Variants in DIS3L2 observed in about 807,000 individuals in gnomAD.
DIS3L2 encodes the protein DIS3-like exonuclease 2.
In DIS3L2, 34 loss-of-function variants were observed where a neutral mutation model predicts 97.5. The observed-to-expected ratio is 0.35, with a 90% CI of 0.27 to 0.46. The LOEUF is 0.46. Among genes scored for constraint, DIS3L2 ranks in the 20% least tolerant of loss-of-function variants. The pLI is 1.00. For missense variants in DIS3L2, 1,038 were observed against 1,146.0 expected (o/e 0.91, Z 1.36); for synonymous variants, 435 against 445.2 (o/e 0.98, Z 0.29).
intron 10 of DIS3L2, among the ~76,000 whole-genome samples, chr2:232,218,459 G>A (rs1559160156): frequency 6.6e-6 from 1 of 152,148 alleles, no homozygotes; most frequent in African/African-American, 2.4e-5. Context: ...CATTCTTGGA[G>A]GTTTCAGGCC....
intron 9 of DIS3L2, among the ~76,000 whole-genome samples, chr2:232,171,452 A>G (rs2106172488): frequency 6.6e-6 from 1 of 152,256 alleles, no homozygotes; most frequent in African/African-American, 2.4e-5. Flanking sequence ...TTGGATTTGA[A>G]AGAAAATGGT....
chr2:232,288,875 G>A (rs1694521587), intron 13 of DIS3L2, among the ~76,000 whole-genome samples: 1 of 152,184 alleles, frequency 6.6e-6, no homozygotes, highest in Non-Finnish European at 1.5e-5. Flanking sequence ...TTTCCAAAAA[G>A]ATTTTGAGAG....
intron 6 of DIS3L2, among the ~76,000 whole-genome samples, chr2:232,125,888 G>T (rs1331429724): frequency 6.6e-6 from 1 of 152,116 alleles, no homozygotes; most frequent in East Asian, 1.9e-4. Context: ...AAGAGAGGGG[G>T]GCCCATAAGA....
intron 10 of DIS3L2, among the ~76,000 whole-genome samples, chr2:232,235,152 G>A (rs762154024): frequency 6.6e-6 from 1 of 152,244 alleles, no homozygotes; most frequent in Non-Finnish European, 1.5e-5. Flanking sequence ...CTGCCCGGGG[G>A]ATCCTTCCTC....
At chr2:232,306,540 A>T (rs1374578958) in intron 14 of DIS3L2, among the ~76,000 whole-genome samples, 1 of 152,174 alleles carries the variant, frequency 6.6e-6, no homozygotes, top group Non-Finnish European at 1.5e-5. Context: ...TTATTTTGGT[A>T]TATTTTATCT....
Position 232,102,841 on chromosome 2 carries a change from C to T in DIS3L2, c.601+15120C>T, listed in dbSNP as rs1167061363. ...AAGCATAAAATAATAATTGCTTATT[C>T]AATACAAATATAGTCAGGACTGCTG... On this transcript the variant is annotated intron_variant, in intron 6 of 20. Transcript: ENST00000325385. 7.2e-5 allele frequency among the ~76,000 whole-genome samples: 11 copies of T among 152,248 alleles called. No homozygotes were observed. In the East Asian group the frequency reaches 2.1e-3, roughly 29 times the overall value.
intron 5 of DIS3L2, among the ~76,000 whole-genome samples, chr2:232,031,167 C>T (rs931525533): frequency 6.6e-6 from 1 of 152,146 alleles, no homozygotes; most frequent in Non-Finnish European, 1.5e-5. Context: ...TTTTAGAATA[C>T]TGCCTAAAAA....
intron 9 of DIS3L2, among the ~76,000 whole-genome samples, chr2:232,192,328 G>A (rs1691637197): frequency 6.6e-6 from 1 of 152,112 alleles, no homozygotes; most frequent in Admixed American, 6.5e-5. Context: ...ACATGACTGA[G>A]GGGGAAGAAC....
At chr2:232,166,103 T>TAAATAAATAAAC (rs1216955455) in intron 9 of DIS3L2, among the ~76,000 whole-genome samples, 24 of 146,370 alleles carry the variant, frequency 1.6e-4, no homozygotes, top group African/African-American at 6.3e-4. Context: ...AATAAATAAA[T>TAAATAAATAAAC]AAATAAATAA....
intron 13 of DIS3L2, chr2:232,343,147 CTCA>C: frequency 3.3e-6 from 2 of 601,868 alleles, no homozygotes; most frequent in South Asian, 2.1e-5. Flanking sequence ...CTCAACCTGG[CTCA>C]TCATCAAAGC....
intron 1 of DIS3L2, among the ~76,000 whole-genome samples, chr2:231,989,157 T>C (rs536367739): frequency 3.9e-5 from 6 of 152,340 alleles, no homozygotes; most frequent in South Asian, 2.1e-4. Flanking sequence ...TTTAAATAAC[T>C]GCTTCTGTAT....
rs777447491 is a variant in DIS3L2 at position 232,015,657 on chromosome 2, G to A, written c.196G>A (p.Gly66Arg). 1 of 1,613,666 alleles carries A rather than the reference G, an allele frequency of 6.2e-7. No homozygotes were observed. The highest frequency in any genetic ancestry group is 1.1e-5 in the South Asian group (1 of 91,038). Residue 66 changes from glycine to arginine, a missense_variant, in exon 3 of 21, where the codon GGA becomes AGA. Transcript: ENST00000325385. Reference sequence around the variant, plus strand: ...GGATGTTTCAGAAGGCTTGAAGAGAGGAACACTCATCCAGGTGCTTAAAAT... The same window carrying A: ...GGATGTTTCAGAAGGCTTGAAGAGAAGAACACTCATCCAGGTGCTTAAAAT... ...KEDVSEGLKRGTLIQGVLRIN... is the reference protein window; with the variant it reads ...KEDVSEGLKRRTLIQGVLRIN...
At chr2:232,329,654 G>T (rs1462602412) in intron 14 of DIS3L2, 159 bp from the exon 15 acceptor site, 13 of 712,262 alleles carry the variant, frequency 1.8e-5, no homozygotes, top group Admixed American at 3.5e-5. Flanking sequence ...GCAAGACAGG[G>T]ACTTGGCGGA....
chr2:232,132,384 C>CAA lies in DIS3L2; in HGVS notation c.702+1666_702+1667dup, dbSNP rs1221961894. Among the ~76,000 whole-genome samples, 5 of 152,178 alleles carry CAA rather than the reference C, an allele frequency of 3.3e-5. No homozygotes were observed. The East Asian group carries it at 9.6e-4, about 29-fold the overall frequency. ...AAGAAACAGGAATTTCCAGTTCAGA[C>CAA]AAGATGGCATAGACCTATTTTTTCT... On this transcript the variant is annotated intron_variant, in intron 7 of 20. Coordinates refer to ENST00000325385, the MANE Select transcript of DIS3L2 (RefSeq NM_152383.5).
rs761961885 is a variant in DIS3L2, at chr2:232,029,732, G to A, written c.265-247G>A. Among the ~76,000 whole-genome samples the A allele has an allele frequency of 8.1e-4, 123 of 151,804 alleles. 1 individual carries two copies. Among genetic ancestry groups the A allele is most frequent in the Non-Finnish European group, 6.6e-4 (45 of 67,934 alleles). On this transcript the variant is annotated intron_variant, in intron 4 of 20. Transcript: ENST00000325385. ...CCATTGCTACTCCTGCCCTCAGTTT[G>A]TTTTCTTGGGGGAGATTATATGTTG...
chr2:231,961,959 A>G (rs1360473020), intron 1 of DIS3L2, among the ~76,000 whole-genome samples, 194 bp downstream of exon 1: 1 of 151,852 alleles, frequency 6.6e-6, no homozygotes, highest in South Asian at 2.1e-4. Flanking sequence ...ATCTCCCTCA[A>G]TGTCCCCAGC....
At chr2:232,230,830 A>G (rs1574960362) in intron 10 of DIS3L2, among the ~76,000 whole-genome samples, 1 of 152,092 alleles carries the variant, frequency 6.6e-6, no homozygotes, top group African/African-American at 2.4e-5. Context: ...CTCAGGGCCC[A>G]TCCACCTCAC....
chr2:232,285,038 A>G (rs1694390330), intron 13 of DIS3L2, among the ~76,000 whole-genome samples: 1 of 152,244 alleles, frequency 6.6e-6, no homozygotes, highest in Non-Finnish European at 1.5e-5. Context: ...GGAAGTGGCT[A>G]TAAGGGTCCC....
intron 9 of DIS3L2, among the ~76,000 whole-genome samples, chr2:232,200,698 G>A (rs1272751927): frequency 6.6e-6 from 1 of 150,850 alleles, no homozygotes; most frequent in Non-Finnish European, 1.5e-5. Flanking sequence ...TATAGGATTA[G>A]CAAACATTTT....
Sources: allele counts gnomAD v4.1 joint callset (sites outside exome capture counted in the v4.1 genomes callset), GRCh38; gene constraint gnomAD v4.1.1; transcripts MANE v1.5; gene names NCBI Gene and HGNC (gene_info 2026-07-23, HGNC 2026-07-21).